The following GLE1 variants were observed in gnomAD, a reference collection of about 807,000 sequenced individuals.
The protein encoded by GLE1 is GLE1 RNA export mediator.
GLE1 carries 78 observed loss-of-function variants against 97.3 expected under a neutral mutation model. The ratio of observed to expected loss-of-function variants is 0.80; its 90% CI spans 0.67 to 0.97. The LOEUF (loss-of-function observed/expected upper bound fraction) is 0.97, where lower values mean the gene tolerates loss of function less well. Ranked by LOEUF, GLE1 falls within the 50% of genes least tolerant of loss-of-function variation. The pLI, the probability that GLE1 is intolerant of heterozygous loss-of-function variation, is 0.00. For missense variants in GLE1, 753 were observed against 857.5 expected, an observed-to-expected ratio of 0.88 and a Z score of 1.52; for synonymous variants, 302 against 313.4, an observed-to-expected ratio of 0.96 and a Z score of 0.39.
chr9:128,530,862 T>C (rs1354591913), intron 9 of GLE1, among the ~76,000 whole-genome samples: 11 of 140,212 alleles, frequency 7.8e-5, no homozygotes, highest in Admixed American at 1.5e-4. Flanking sequence ...TGCGCCGAGA[T>C]AGCACCACTG....
Position 128,515,523 on chromosome 9 carries a change from A to T in GLE1, c.322-6A>T. On this transcript the variant is annotated splice_polypyrimidine_tract_variant and splice_region_variant and intron_variant, in intron 2 of 15. Coordinates refer to ENST00000309971, the MANE Select transcript of GLE1 (RefSeq NM_001003722.2). ...TTAATTATTTTTCCATTTTCTGCTC[A>T]TATAGGGCAAAGATGAGTCCCAGCA... 3.3e-6 allele frequency: 5 copies of T among 1,495,588 alleles called. No homozygotes were observed. The highest frequency in any genetic ancestry group is 4.7e-6 in the Non-Finnish European group (5 of 1,071,858). 92.6% of individuals were successfully genotyped at this position (1,495,588 alleles called of 1,614,324 possible).
In GLE1 at chr9:128,523,741, C is replaced by T; in HGVS notation, c.792C>T (p.Ala264=). 6.2e-7 allele frequency: 1 copy of T among 1,614,072 alleles called. No individual in the cohort carries two copies. Among genetic ancestry groups the T allele is most frequent in the South Asian group, 1.1e-5 (1 of 91,084 alleles). ...EMLQLSQQLD[A]SEQHKALLKV... ...TGCAGCTCAGCCAGCAGCTGGATGC[C>T]TCTGAGCAGCACAAAGCCCTGCTTA... The change falls in exon 6 of 16, where the codon GCC becomes GCT. Residue 264 remains alanine, a synonymous_variant. Transcript: ENST00000309971.
chr9:128,504,991 G>A (rs1423002504), intron 1 of GLE1, 87 bp downstream of exon 1: 1 of 856,798 alleles, frequency 1.2e-6, no homozygotes, highest in East Asian at 2.5e-5. Flanking sequence ...TCTGCTCCCG[G>A]GAACCCGTGC....
intron 2 of GLE1, among the ~76,000 whole-genome samples, chr9:128,511,187 G>A (rs1846808743): frequency 1.3e-5 from 2 of 150,722 alleles, no homozygotes; most frequent in Non-Finnish European, 1.5e-5. Flanking sequence ...CTGGGTAACG[G>A]AGCAAGACTC....
intron 11 of GLE1, 93 bp downstream of exon 11, chr9:128,534,044 A>C: frequency 1.2e-6 from 1 of 844,490 alleles, no homozygotes. Flanking sequence ...CACAGCTCCT[A>C]TTACGTACCT....
intron 1 of GLE1, among the ~76,000 whole-genome samples, chr9:128,508,201 C>G (rs4614100): frequency 7.2e-6 from 1 of 139,062 alleles, no homozygotes; most frequent in Non-Finnish European, 1.5e-5. Context: ...AAAAAAAAGA[C>G]CAGCCTGGGC....
chr9:128,535,239 C>A (rs952736849), intron 11 of GLE1, among the ~76,000 whole-genome samples: 1 of 151,396 alleles, frequency 6.6e-6, no homozygotes, highest in Non-Finnish European at 1.5e-5. Context: ...TGGCTGGGCG[C>A]GGTGGCTCAC....
At chr9:128,519,969 A>G (rs1046231723) in intron 3 of GLE1, among the ~76,000 whole-genome samples, 1 of 152,088 alleles carries the variant, frequency 6.6e-6, no homozygotes, top group Non-Finnish European at 1.5e-5. Context: ...CAGGTTCCCC[A>G]ATAGGGCACC....
chr9:128,540,773 A>C (rs1204739244), intron 15 of GLE1: 6 of 396,922 alleles, frequency 1.5e-5, no homozygotes, highest in Non-Finnish European at 2.8e-5. Flanking sequence ...AAGAATTTAG[A>C]ACACTATAGT....
chr9:128,519,183 C>T (rs1847068494), intron 3 of GLE1, among the ~76,000 whole-genome samples: 1 of 152,078 alleles, frequency 6.6e-6, no homozygotes, highest in Non-Finnish European at 1.5e-5. Context: ...ATTGCATTAA[C>T]TGCACAAATT....
In GLE1 at chr9:128,525,371, C is replaced by T; in HGVS notation, c.1077C>T (p.Ala359=). 6.2e-7 allele frequency: 1 copy of T among 1,612,308 alleles called. No homozygotes were observed. The highest frequency in any genetic ancestry group is 1.1e-5 in the South Asian group (1 of 90,820). ...CACAGATGCAGCAGGGACCAGAGGC[C>T]CACAAAGAGCCCCCAGCTCCCAGCC... ...QEAQMQQGPE[A]HKEPPAPSQG... Residue 359 remains alanine, a synonymous_variant, in exon 7 of 16, where the codon GCC becomes GCT. Transcript: ENST00000309971.
At chr9:128,510,478 C>G (rs938537003) in intron 2 of GLE1, among the ~76,000 whole-genome samples, 2 of 149,156 alleles carry the variant, frequency 1.3e-5, no homozygotes, top group African/African-American at 4.9e-5. Flanking sequence ...CTGCCCACCT[C>G]GGCCTCCCAA....
intron 1 of GLE1, 35 bp from the exon 2 acceptor site, chr9:128,508,841 G>T: frequency 8.5e-7 from 1 of 1,181,628 alleles, no homozygotes; most frequent in Non-Finnish European, 1.3e-6. Flanking sequence ...AACAGTTGAC[G>T]TGTAAGTTGA....
rs372202702 is a variant in GLE1 at position 128,533,726 on chromosome 9, T to C, written c.1456-35T>C. 9 of 1,612,890 alleles carry C rather than the reference T, an allele frequency of 5.6e-6. No individual in the cohort carries two copies. The African/African-American group carries it at 1.1e-4, about 19-fold the overall frequency. ...ACAAGATTTCAGCCTTTTTCTGGTA[T>C]TAAGTTAAAATTGTACCCACCTCTA... On this transcript the variant is annotated intron_variant, in intron 10 of 15. Transcript: ENST00000309971.
intron 3 of GLE1, among the ~76,000 whole-genome samples, chr9:128,519,559 C>T (rs888848642): frequency 6.6e-6 from 1 of 152,154 alleles, no homozygotes; most frequent in Non-Finnish European, 1.5e-5. Flanking sequence ...TTGGTCAGAC[C>T]GGTTGCTCTC....
chr9:128,539,179 A>G (rs918348274), intron 13 of GLE1, among the ~76,000 whole-genome samples: 4 of 152,088 alleles, frequency 2.6e-5, no homozygotes, highest in African/African-American at 9.7e-5. Context: ...GGCTACAGTG[A>G]GCTGTGATCA....
chr9:128,521,683 A>G (rs1847157119), intron 3 of GLE1, among the ~76,000 whole-genome samples: 1 of 152,240 alleles, frequency 6.6e-6, no homozygotes, highest in African/African-American at 2.4e-5. Flanking sequence ...TGACTGTACT[A>G]TAATACGTGT....
chr9:128,539,738 C>T (rs765404373), intron 14 of GLE1, 40 bp downstream of exon 14: 1 of 1,613,900 alleles, frequency 6.2e-7, no homozygotes, highest in Non-Finnish European at 8.5e-7. Context: ...GATTAAGTAA[C>T]TCATAACCAG....
intron 3 of GLE1, among the ~76,000 whole-genome samples, chr9:128,522,045 T>C (rs1847166818): frequency 6.6e-6 from 1 of 152,174 alleles, no homozygotes; most frequent in African/African-American, 2.4e-5. Flanking sequence ...GGAATTAGAA[T>C]GAGGATTTCC....
Sources: gnomAD v4.1 joint callset for allele counts (sites outside exome capture counted in the v4.1 genomes callset) on GRCh38, gnomAD v4.1.1 for gene constraint, MANE v1.5 for transcripts, NCBI Gene and HGNC (gene_info 2026-07-23, HGNC 2026-07-21) for gene names.